The following CACNA1S variants were observed in gnomAD, a reference collection of about 807,000 sequenced individuals.
CACNA1S encodes the protein calcium voltage-gated channel subunit alpha1 S.
A neutral mutation model predicts 207.4 loss-of-function variants in CACNA1S; 126 were observed. The observed-to-expected ratio is 0.61, with a 90% CI of 0.53 to 0.70. The LOEUF is 0.70. Ranked by LOEUF, CACNA1S falls within the 30% of genes least tolerant of loss-of-function variation. CACNA1S has a pLI of 0.00. For synonymous variants in CACNA1S, 960 were observed against 932.7 expected, an observed-to-expected ratio of 1.03 and a Z score of -0.53; for missense variants, 2,349 against 2,422.8, an observed-to-expected ratio of 0.97 and a Z score of 0.64.
chr1:201,110,071 G>A lies in CACNA1S; in HGVS notation c.258+93C>T, dbSNP rs574024937. ...TGCATCGTCAGGGAGTTGAACCACC[G>A]GCACCATCCCCCAGAACAGAGTCCA... On this transcript the variant is annotated intron_variant, in intron 2 of 43. Coordinates refer to ENST00000362061, the MANE Select transcript of CACNA1S (RefSeq NM_000069.3). 400 of 1,166,944 alleles carry A rather than the reference G, an allele frequency of 3.4e-4. 2 individuals carry two copies. Among genetic ancestry groups the A allele is most frequent in the South Asian group, 2.8e-3 (232 of 81,428 alleles). The allele number at this position is 1,166,944 out of a possible 1,614,324, so 72.3% of individuals were successfully genotyped here. A position where few individuals can be genotyped will look rare whatever the true frequency, so the allele number is the denominator to read the frequency against.
intron 33 of CACNA1S, 74 bp from the exon 34 acceptor site, chr1:201,050,590 G>C: frequency 6.4e-7 from 1 of 1,573,766 alleles, no homozygotes; most frequent in Non-Finnish European, 8.7e-7. Flanking sequence ...GAGCTGGGAG[G>C]TGTCCACTGG....
intron 25 of CACNA1S, 46 bp downstream of exon 25, chr1:201,061,221 G>T (rs778890797): frequency 2.6e-6 from 4 of 1,532,434 alleles, no homozygotes; most frequent in Admixed American, 1.7e-5. Flanking sequence ...CCAGCAGGAG[G>T]CCTGCTGGAG....
At chr1:201,100,097 A>C (rs1384299741) in intron 2 of CACNA1S, among the ~76,000 whole-genome samples, 2 of 152,248 alleles carry the variant, frequency 1.3e-5, no homozygotes, top group African/African-American at 2.4e-5. Flanking sequence ...TGAAAGCACC[A>C]GAATAGCTGC....
chr1:201,043,533 T>C lies in CACNA1S; in HGVS notation c.4798-2A>G, dbSNP rs1428157373. On this transcript the variant is annotated splice_acceptor_variant, in intron 39 of 43. Coordinates refer to ENST00000362061, the MANE Select transcript of CACNA1S (RefSeq NM_000069.3). LOFTEE classifies it high-confidence loss of function. ...CTGGCCAAACAGGCCTCCAGTCCTCTAGGGGCAAGGAGAAGAGCAGTGACT... is the reference window on the plus strand; with the variant it reads ...CTGGCCAAACAGGCCTCCAGTCCTCCAGGGGCAAGGAGAAGAGCAGTGACT... The C allele has an allele frequency of 1.9e-6, 3 of 1,613,470 alleles. No homozygotes were observed. Among genetic ancestry groups the C allele is most frequent in the Admixed American group, 3.3e-5 (2 of 59,952 alleles).
At position 201,041,549 on chromosome 1, in the gene CACNA1S, G is replaced by C; in HGVS notation, c.5089C>G (p.Pro1697Ala). ...CCAAGGGCTCGTCCTCTGGTAGCAG[G>C]CGTCTCTGTCTCTTCTGGGAACTCC... ...EREFPEETET[P>A]ATRGRALGQP... Residue 1697 changes from proline (P) to alanine (A), a missense_variant, in exon 41 of 44, where the codon CCT (proline) becomes GCT (alanine). Coordinates refer to ENST00000362061, the MANE Select transcript of CACNA1S (RefSeq NM_000069.3). The C allele has an allele frequency of 1.2e-6, 2 of 1,614,206 alleles. No individual in the cohort carries two copies. The highest frequency in any genetic ancestry group is 2.2e-5 in the South Asian group (2 of 91,088).
At position 201,072,834 on chromosome 1, in the gene CACNA1S, G is replaced by C; in HGVS notation, c.2158-10C>G. On this transcript the variant is annotated splice_polypyrimidine_tract_variant and intron_variant, in intron 15 of 43. Transcript: ENST00000362061. ...ACTCATCGATTTTCAGCTGTAGGAAGGAACACAATGACTATAACAATGAAA... is the reference window on the plus strand; with the variant it reads ...ACTCATCGATTTTCAGCTGTAGGAACGAACACAATGACTATAACAATGAAA... 6.2e-7 allele frequency: 1 copy of C among 1,609,020 alleles called. No individual in the cohort carries two copies. Among genetic ancestry groups the C allele is most frequent in the Non-Finnish European group, 8.5e-7 (1 of 1,175,438 alleles).
intron 19 of CACNA1S, among the ~76,000 whole-genome samples, chr1:201,067,839 C>T (rs1661303389): frequency 2.0e-5 from 3 of 152,222 alleles, no homozygotes; most frequent in Admixed American, 2.0e-4. Flanking sequence ...TACTCAATTC[C>T]TTCAATAGTT....
intron 10 of CACNA1S, 93 bp from the exon 11 acceptor site, chr1:201,078,197 C>A: frequency 2.0e-6 from 2 of 998,060 alleles, no homozygotes; most frequent in Non-Finnish European, 3.2e-6. Flanking sequence ...CCAGGACGCC[C>A]CTTCCCTTGT....
chr1:201,046,177 A>T (rs1014442794), intron 38 of CACNA1S, among the ~76,000 whole-genome samples: 14 of 144,494 alleles, frequency 9.7e-5, no homozygotes, highest in South Asian at 2.1e-4. Context: ...TTTATTTATT[A>T]TTTATTTATT....
chr1:201,110,130 C>A (rs1572078341), intron 2 of CACNA1S, 34 bp downstream of exon 2: 1 of 1,590,888 alleles, frequency 6.3e-7, no homozygotes, highest in East Asian at 2.2e-5. Context: ...GGGCTGCAGG[C>A]TCGCAGGAAG....
intron 6 of CACNA1S, 74 bp downstream of exon 6, chr1:201,089,184 A>G: frequency 6.9e-7 from 1 of 1,450,454 alleles, no homozygotes; most frequent in Non-Finnish European, 9.7e-7. Context: ...TGGACTGGCA[A>G]GCCCTCCCTC....
intron 28 of CACNA1S, among the ~76,000 whole-genome samples, 155 bp downstream of exon 28, chr1:201,058,253 A>G (rs1660918439): frequency 6.6e-6 from 1 of 152,204 alleles, no homozygotes; most frequent in South Asian, 2.1e-4. Context: ...GCAGGATGAT[A>G]GTTCCTTGAG....
At chr1:201,058,587 G>A (rs894736668) in intron 27 of CACNA1S, 96 bp from the exon 28 acceptor site, 22 of 990,808 alleles carry the variant, frequency 2.2e-5, no homozygotes, top group African/African-American at 3.2e-5. Flanking sequence ...GAGCTAATGC[G>A]GAGCTGCGGG....
rs150008614 is a variant in CACNA1S at position 201,042,545 on chromosome 1, C to T, written c.5048+736G>A. 3.2e-3 allele frequency among the ~76,000 whole-genome samples: 485 copies of T among 152,356 alleles called. 2 individuals are homozygous for T. The highest frequency in any genetic ancestry group is 0.011 in the African/African-American group (450 of 41,586). ...TGATGCTTCTGTATTTCCACGTTAC[C>T]TTGCACCATGGTGACCCAAAAAGGT... On this transcript the variant is annotated intron_variant, in intron 40 of 43. Transcript: ENST00000362061.
intron 26 of CACNA1S, among the ~76,000 whole-genome samples, chr1:201,059,997 A>G (rs540971899): frequency 6.6e-5 from 10 of 152,280 alleles, no homozygotes; most frequent in Admixed American, 5.9e-4. Flanking sequence ...GGACTGCCCA[A>G]TTCTGCTGCC....
chr1:201,043,908 T>A (rs1660385081), intron 39 of CACNA1S, among the ~76,000 whole-genome samples: 1 of 152,016 alleles, frequency 6.6e-6, no homozygotes, highest in Non-Finnish European at 1.5e-5. Flanking sequence ...TATTTCCTCA[T>A]GAATAACCCA....
In CACNA1S at chr1:201,040,229, AC is replaced by A; in HGVS notation, c.5370+1del. On this transcript the variant is annotated splice_donor_variant, in intron 43 of 43. Transcript: ENST00000362061. LOFTEE classifies it high-confidence loss of function. ...ACTGCTGTGACCCAGCCCCTGGCTCACCTTTTGGATCAGCAGGGCTGTAGCT... is the reference window on the plus strand; with the variant it reads ...ACTGCTGTGACCCAGCCCCTGGCTCACTTTTGGATCAGCAGGGCTGTAGCT... 6.2e-7 allele frequency: 1 copy of A among 1,613,358 alleles called. No individual in the cohort carries two copies. The highest frequency in any genetic ancestry group is 1.7e-5 in the Admixed American group (1 of 60,024).
chr1:201,103,386 G>A (rs183417905), intron 2 of CACNA1S, among the ~76,000 whole-genome samples: 44 of 152,244 alleles, frequency 2.9e-4, no homozygotes, highest in Middle Eastern at 3.4e-3. Context: ...CCTTTCCTGC[G>A]ACTCCCCAGG....
chr1:201,059,567 C>T (rs767097975), intron 26 of CACNA1S, among the ~76,000 whole-genome samples: 1 of 152,230 alleles, frequency 6.6e-6, no homozygotes, highest in African/African-American at 2.4e-5. Flanking sequence ...CTGCTGAGTG[C>T]GTTCATTTAC....
Sources: gnomAD v4.1 joint callset for allele counts (sites outside exome capture counted in the v4.1 genomes callset) on GRCh38, gnomAD v4.1.1 for gene constraint, MANE v1.5 for transcripts, NCBI Gene and HGNC (gene_info 2026-07-23, HGNC 2026-07-21) for gene names.